Variants in KIF26B observed in about 807,000 individuals in gnomAD.
KIF26B encodes kinesin-like protein KIF26B.
Under a neutral mutation model 151.2 loss-of-function variants are expected in KIF26B, and 63 were observed. The observed-to-expected ratio is 0.42, with a 90% confidence interval of 0.34 to 0.51. The LOEUF (loss-of-function observed/expected upper bound fraction) is 0.51. Ranked by LOEUF, KIF26B falls within the 20% of genes least tolerant of loss-of-function variation. The pLI is 0.07. For synonymous variants in KIF26B, 1,357 were observed against 1,262.1 expected (o/e 1.08, Z -1.59); for missense variants, 2,813 against 2,913.6 (o/e 0.97, Z 0.79).
intron 4 of KIF26B, chr1:245,510,981 C>G: frequency 1.5e-6 from 1 of 666,354 alleles, no homozygotes; most frequent in Middle Eastern, 2.4e-4. Flanking sequence ...TCCTCCTTCA[C>G]CTTCGCACAA....
chr1:245,462,223 T>C (rs1158747813), intron 4 of KIF26B, among the ~76,000 whole-genome samples: 1 of 152,200 alleles, frequency 6.6e-6, no homozygotes, highest in African/African-American at 2.4e-5. Flanking sequence ...GGAAGGATTT[T>C]GCAAAACTCC....
Position 245,164,931 on chromosome 1 carries a change from G to A in KIF26B, c.465+8248G>A, listed in dbSNP as rs867363672. 2.4e-4 allele frequency among the ~76,000 whole-genome samples: 36 copies of A among 152,180 alleles called. 1 individual carries two copies. The highest frequency in any genetic ancestry group is 1.1e-3 in the Admixed American group (17 of 15,294). On this transcript the variant is annotated intron_variant, in intron 2 of 14. Transcript: ENST00000407071. ...CTACTAAAAATACAAAAATTAGCCG[G>A]GCGTGGTGGCCCACACCTGTAATCT...
chr1:245,535,919 G>A (rs1356151854), intron 4 of KIF26B, among the ~76,000 whole-genome samples: 1 of 152,072 alleles, frequency 6.6e-6, no homozygotes, highest in African/African-American at 2.4e-5. Flanking sequence ...TATTATTTTT[G>A]CTTCATCTTC....
chr1:245,259,934 C>CA (rs35913005), intron 2 of KIF26B, among the ~76,000 whole-genome samples: 951 of 71,234 alleles, frequency 0.013, 7 homozygotes, highest in East Asian at 0.042. Flanking sequence ...GGTCCTGTCT[C>CA]AAAAAAAAAA....
chr1:245,351,572 T>C (rs1046448322), intron 2 of KIF26B, among the ~76,000 whole-genome samples: 1 of 152,250 alleles, frequency 6.6e-6, no homozygotes, highest in African/African-American at 2.4e-5. Context: ...TTGATGTCTG[T>C]GATTCCATTT....
chr1:245,296,317 T>C (rs1671336116), intron 2 of KIF26B, among the ~76,000 whole-genome samples: 1 of 152,126 alleles, frequency 6.6e-6, no homozygotes, highest in African/African-American at 2.4e-5. Context: ...TCACAGGTTC[T>C]GTGCTGAAGA....
intron 3 of KIF26B, 56 bp from the exon 4 acceptor site, chr1:245,419,523 G>T: frequency 1.3e-6 from 2 of 1,515,386 alleles, no homozygotes; most frequent in Admixed American, 1.9e-5. Flanking sequence ...GCTGTCAGTG[G>T]TCAGGAAAAG....
rs371372720 is a variant in KIF26B at position 245,609,378 on chromosome 1, C to T, written c.1764C>T (p.Gly588=). ...TAAACGAACGCAAGGAAAAGACCGG[C>T]GCCCGTTTCTCAGTCCGGGTTTCCG... ...KLINERKEKT[G]ARFSVRVSAV... The change falls in exon 8 of 15, where the codon GGC becomes GGT. Residue 588 remains glycine (G), a synonymous_variant. Coordinates refer to ENST00000407071, the MANE Select transcript of KIF26B (RefSeq NM_018012.4). 3.7e-5 allele frequency: 59 copies of T among 1,609,556 alleles called. 1 individual carries two copies. Among genetic ancestry groups the T allele is most frequent in the South Asian group, 2.3e-4 (21 of 89,842 alleles).
At chr1:245,372,418 G>A (rs921709626) in intron 3 of KIF26B, among the ~76,000 whole-genome samples, 6 of 152,058 alleles carry the variant, frequency 3.9e-5, no homozygotes, top group African/African-American at 1.4e-4. Flanking sequence ...TTGTTATGTG[G>A]GTAAATTGTG....
At chr1:245,452,524 T>C (rs1659420719) in intron 4 of KIF26B, among the ~76,000 whole-genome samples, 1 of 152,182 alleles carries the variant, frequency 6.6e-6, no homozygotes, top group Non-Finnish European at 1.5e-5. Flanking sequence ...TCCAACTGTT[T>C]TCCACAGCGG....
Position 245,156,452 on chromosome 1 carries a change from G to A in KIF26B, c.234G>A (p.Pro78=), listed in dbSNP as rs906496262. ...TPSPGSGTSS[P]SSFTGSPGPA... ...CTCCCGGCTCGGGCACCTCGTCCCC[G>A]AGCTCGTTCACCGGCTCCCCGGGAC... The change falls in exon 2 of 15, where the codon CCG becomes CCA. Residue 78 remains proline, a synonymous_variant. Coordinates refer to ENST00000407071, the MANE Select transcript of KIF26B (RefSeq NM_018012.4). 1.1e-5 allele frequency: 17 copies of A among 1,526,934 alleles called. No individual in the cohort carries two copies. The East Asian group carries it at 1.5e-4, about 14-fold the overall frequency. 94.6% of individuals were successfully genotyped at this position (1,526,934 alleles called of 1,614,324 possible).
At chr1:245,209,342 A>T (rs1220916479) in intron 2 of KIF26B, among the ~76,000 whole-genome samples, 1 of 152,196 alleles carries the variant, frequency 6.6e-6, no homozygotes, top group East Asian at 1.9e-4. Context: ...CGGAGGTTGC[A>T]GTGAGCTGAG....
intron 2 of KIF26B, among the ~76,000 whole-genome samples, chr1:245,366,360 A>G (rs1184872722): frequency 6.6e-6 from 1 of 151,970 alleles, no homozygotes; most frequent in Non-Finnish European, 1.5e-5. Flanking sequence ...GTGAAACCCC[A>G]TCTCTACTAA....
intron 10 of KIF26B, among the ~76,000 whole-genome samples, chr1:245,674,336 T>C (rs2044331170): frequency 6.6e-6 from 1 of 152,194 alleles, no homozygotes; most frequent in Non-Finnish European, 1.5e-5. Flanking sequence ...ATGTGAAACA[T>C]GTCAGAGTCG....
chr1:245,390,063 G>A (rs1192600827), intron 3 of KIF26B, among the ~76,000 whole-genome samples: 8 of 151,938 alleles, frequency 5.3e-5, no homozygotes, highest in Admixed American at 1.3e-4. Context: ...CTCTAATGGC[G>A]CAAAGGCAAT....
chr1:245,577,196 A>G (rs2043126317), intron 5 of KIF26B, among the ~76,000 whole-genome samples: 1 of 152,198 alleles, frequency 6.6e-6, no homozygotes, highest in Non-Finnish European at 1.5e-5. Context: ...GAGTGATGTC[A>G]TGGACCAGAT....
intron 4 of KIF26B, among the ~76,000 whole-genome samples, chr1:245,480,824 T>C (rs1348864160): frequency 6.7e-6 from 1 of 149,852 alleles, no homozygotes; most frequent in Non-Finnish European, 1.5e-5. Context: ...AAAGTTTGGA[T>C]AGAAACCCTT....
chr1:245,374,761 A>T (rs1673233056), intron 3 of KIF26B, among the ~76,000 whole-genome samples: 1 of 152,216 alleles, frequency 6.6e-6, no homozygotes, highest in Non-Finnish European at 1.5e-5. Context: ...AATTATGAAC[A>T]TGGAAAAAAG....
At position 245,698,277 on chromosome 1, in the gene KIF26B, G is replaced by A. The variant is rs201801925; in HGVS notation, c.5996G>A (p.Arg1999His). The change falls in exon 13 of 15, where the codon CGC becomes CAC. Residue 1999 changes from arginine (R) to histidine (H), a missense_variant. This residue lies in a region of KIF26B where 2,060 missense variants were observed against 2,088.6 expected (regional missense o/e 0.99). Coordinates refer to ENST00000407071, the MANE Select transcript of KIF26B (RefSeq NM_018012.4). This position sits in a 1 kb window ranked among gnomAD's most constrained non-coding sequence, Gnocchi z 4.0. ...GTCTATGAAATCGATGACGTGGAGC[G>A]CCTGCAGCGGCGACGAGGGGGTGCC... ...IKVYEIDDVE[R>H]LQRRRGGASK... 94 of 1,613,522 alleles carry A rather than the reference G, an allele frequency of 5.8e-5. No individual in the cohort carries two copies. Among genetic ancestry groups the A allele is most frequent in the South Asian group, 4.4e-5 (4 of 91,070 alleles).
Sources: gnomAD v4.1 joint callset for allele counts (sites outside exome capture counted in the v4.1 genomes callset) on GRCh38, gnomAD v4.1.1 for gene constraint, gnomAD v4.1.1 regional missense constraint, Gnocchi (gnomAD v3.1) non-coding constraint, MANE v1.5 for transcripts, NCBI Gene and HGNC (gene_info 2026-07-23, HGNC 2026-07-21) for gene names.